Variants in SUPT3H observed in about 807,000 individuals in gnomAD.
SUPT3H encodes the protein SPT3 homolog, SAGA and STAGA complex component.
In SUPT3H, 44 loss-of-function variants were observed where a neutral mutation model predicts 44.3. The observed-to-expected ratio is 0.99, with a 90% CI of 0.78 to 1.28. The LOEUF (loss-of-function observed/expected upper bound fraction) is 1.28, where lower values mean the gene tolerates loss of function less well. Among genes scored for constraint, SUPT3H ranks in the 50% most tolerant of loss-of-function variants. The pLI, the probability that SUPT3H is intolerant of heterozygous loss-of-function variation, is 0.00. For synonymous variants in SUPT3H, 124 were observed against 125.6 expected, an observed-to-expected ratio of 0.99 and a Z score of 0.09; for missense variants, 380 against 387.1, an observed-to-expected ratio of 0.98 and a Z score of 0.15.
intron 10 of SUPT3H, among the ~76,000 whole-genome samples, chr6:44,868,365 C>A (rs1211542831): frequency 6.6e-6 from 1 of 152,142 alleles, no homozygotes; most frequent in East Asian, 1.9e-4. Context: ...GTTTTTCTTG[C>A]CCCAATAATT....
chr6:45,196,718 C>A (rs1341601894), intron 2 of SUPT3H, among the ~76,000 whole-genome samples: 1 of 151,800 alleles, frequency 6.6e-6, no homozygotes, highest in Non-Finnish European at 1.5e-5. Flanking sequence ...TTCTGGATAT[C>A]ACTAAGCACA....
chr6:45,167,483 T>C (rs1205362893), intron 2 of SUPT3H, among the ~76,000 whole-genome samples: 2 of 152,170 alleles, frequency 1.3e-5, no homozygotes, highest in African/African-American at 4.8e-5. Context: ...TAATTTTTGG[T>C]AGTAAGGCCA....
intron 2 of SUPT3H, among the ~76,000 whole-genome samples, chr6:45,258,850 A>C (rs1319362638): frequency 6.6e-6 from 1 of 152,218 alleles, no homozygotes; most frequent in African/African-American, 2.4e-5. Context: ...ATTTTAAGTT[A>C]CAAGGCTTCA....
At chr6:45,091,134 T>C (rs913645053) in intron 3 of SUPT3H, among the ~76,000 whole-genome samples, 2 of 152,006 alleles carry the variant, frequency 1.3e-5, no homozygotes, top group African/African-American at 4.8e-5. Flanking sequence ...TTTAATGTTA[T>C]GAAATTATAA....
chr6:45,235,398 T>C (rs986310012), intron 2 of SUPT3H, among the ~76,000 whole-genome samples: 14 of 152,108 alleles, frequency 9.2e-5, no homozygotes, highest in African/African-American at 3.4e-4. Flanking sequence ...GAGGATCAAG[T>C]GGCATTAAAT....
At chr6:45,045,723 A>C (rs1309086739) in intron 3 of SUPT3H, among the ~76,000 whole-genome samples, 3 of 152,226 alleles carry the variant, frequency 2.0e-5, no homozygotes, top group South Asian at 2.1e-4. Flanking sequence ...TCTTTTATAA[A>C]GTGTCTATAC....
In SUPT3H at chr6:44,866,792, A is replaced by C. The variant is rs567625471; in HGVS notation, c.913-36935T>G. 2.9e-5 allele frequency among the ~76,000 whole-genome samples: 4 copies of C among 137,374 alleles called. No individual in the cohort carries two copies. The East Asian group carries it at 8.3e-4, about 29-fold the overall frequency. 90.1% of individuals were successfully genotyped at this position (137,374 alleles called of 152,430 possible). ...GCTACTTGAGTTGAAGTTCTAAATTATTCTTCAGCTGGTAAAACATTAGCT... is the reference window on the plus strand; with the variant it reads ...GCTACTTGAGTTGAAGTTCTAAATTCTTCTTCAGCTGGTAAAACATTAGCT... On this transcript the variant is annotated intron_variant, in intron 10 of 10. Transcript: ENST00000371459.
At chr6:44,860,828 A>C (rs1774529249) in intron 10 of SUPT3H, among the ~76,000 whole-genome samples, 1 of 152,246 alleles carries the variant, frequency 6.6e-6, no homozygotes, top group Non-Finnish European at 1.5e-5. Context: ...TGCATTAATA[A>C]GATTAATAAG....
intron 10 of SUPT3H, among the ~76,000 whole-genome samples, chr6:44,929,382 A>G (rs1362391777): frequency 6.6e-6 from 1 of 152,212 alleles, no homozygotes; most frequent in African/African-American, 2.4e-5. Context: ...ATGGATATAT[A>G]TATACACATT....
intron 2 of SUPT3H, among the ~76,000 whole-genome samples, chr6:45,149,709 T>C (rs1470250130): frequency 6.6e-6 from 1 of 152,214 alleles, no homozygotes; most frequent in Non-Finnish European, 1.5e-5. Flanking sequence ...AGATGTTATC[T>C]GGTCAGTGCT....
At chr6:45,373,518 C>CA (rs1333915455) in intron 1 of SUPT3H, among the ~76,000 whole-genome samples, 1 of 152,058 alleles carries the variant, frequency 6.6e-6, no homozygotes, top group Non-Finnish European at 1.5e-5. Context: ...ATCAAAAAAG[C>CA]ACCATTACTG....
chr6:45,081,880 G>GA (rs780474000), intron 3 of SUPT3H, among the ~76,000 whole-genome samples: 70 of 152,040 alleles, frequency 4.6e-4, no homozygotes, highest in African/African-American at 1.4e-3. Flanking sequence ...AAAATAGGGG[G>GA]AAAAAATCAA....
At chr6:44,862,163 A>C (rs1774761538) in intron 10 of SUPT3H, among the ~76,000 whole-genome samples, 1 of 152,040 alleles carries the variant, frequency 6.6e-6, no homozygotes, top group Non-Finnish European at 1.5e-5. Flanking sequence ...ATAACCTGAC[A>C]ATGCAGTGCT....
intron 10 of SUPT3H, among the ~76,000 whole-genome samples, chr6:44,881,527 A>C (rs1489591263): frequency 1.3e-5 from 2 of 152,190 alleles, no homozygotes; most frequent in African/African-American, 4.8e-5. Context: ...TCAGCTCTGG[A>C]CCAAGTGGAC....
chr6:45,004,909 G>A (rs2153506631), intron 5 of SUPT3H, among the ~76,000 whole-genome samples: 1 of 152,200 alleles, frequency 6.6e-6, no homozygotes, highest in Non-Finnish European at 1.5e-5. Context: ...CAGTATGTAT[G>A]TACCACAGCT....
In SUPT3H at chr6:45,065,588, C is replaced by G. The variant is rs1253715855; in HGVS notation, c.186+40334G>C. On this transcript the variant is annotated intron_variant, in intron 3 of 10. Transcript: ENST00000371459. ...CAAGACTAATAAAGAAAAAAAGAGA[C>G]AAGAATCAAATAGACACAATAAAAA... 1.6e-3 allele frequency among the ~76,000 whole-genome samples: 241 copies of G among 149,966 alleles called. 1 individual carries two copies. The highest frequency in any genetic ancestry group is 5.7e-3 in the African/African-American group (227 of 39,756).
chr6:44,982,390 A>AT (rs1023387993), intron 6 of SUPT3H, among the ~76,000 whole-genome samples: 15 of 151,996 alleles, frequency 9.9e-5, no homozygotes, highest in African/African-American at 3.6e-4. Context: ...CGTCTGGCTA[A>AT]TTTTTTGTAT....
chr6:45,200,302 C>G (rs1252799236), intron 2 of SUPT3H, among the ~76,000 whole-genome samples: 2 of 151,164 alleles, frequency 1.3e-5, no homozygotes, highest in African/African-American at 4.8e-5. Flanking sequence ...GTTTGTATAA[C>G]TGCCATATAT....
chr6:44,821,870 C>T (rs1211116409), downstream of SUPT3H, among the ~76,000 whole-genome samples: 3 of 152,018 alleles, frequency 2.0e-5, no homozygotes, highest in South Asian at 2.1e-4. Flanking sequence ...CAGAAAGCAA[C>T]GATTACCTTT....
Sources: allele counts gnomAD v4.1 joint callset (sites outside exome capture counted in the v4.1 genomes callset), GRCh38; gene constraint gnomAD v4.1.1; transcripts MANE v1.5; gene names NCBI Gene and HGNC (gene_info 2026-07-23, HGNC 2026-07-21).